TTLL9: variants seen among roughly 807,000 people sequenced by gnomAD.
The protein encoded by TTLL9 is tubulin tyrosine ligase like 9.
A neutral mutation model predicts 65.6 loss-of-function variants in TTLL9; 47 were observed. The ratio of observed to expected loss-of-function variants is 0.72; its 90% CI spans 0.57 to 0.91. The LOEUF (loss-of-function observed/expected upper bound fraction) is 0.91. TTLL9 is among the 40% of genes least tolerant of loss of function. The probability of loss-of-function intolerance (pLI) is 0.00; values close to 1 mark genes in which losing one functional copy is unlikely to be tolerated. For synonymous variants in TTLL9, 179 were observed against 204.8 expected (o/e 0.87, Z 1.07); for missense variants, 537 against 568.8 (o/e 0.94, Z 0.57).
chr20:31,942,337 T>C (rs2064224354), intron 14 of TTLL9, among the ~76,000 whole-genome samples: 1 of 152,160 alleles, frequency 6.6e-6, no homozygotes, highest in African/African-American at 2.4e-5. Flanking sequence ...TCTCAGCAGC[T>C]CACGGCAGCC....
chr20:31,922,527 T>C (rs1421984954), intron 7 of TTLL9, among the ~76,000 whole-genome samples: 1 of 152,244 alleles, frequency 6.6e-6, no homozygotes, highest in Admixed American at 6.5e-5. Context: ...CAGGGACTCA[T>C]CTAAGTGGAA....
At chr20:31,889,267 C>CT (rs1260381546) in intron 3 of TTLL9, among the ~76,000 whole-genome samples, 5 of 151,584 alleles carry the variant, frequency 3.3e-5, no homozygotes, top group South Asian at 4.2e-4. Flanking sequence ...TCATGATTGC[C>CT]TTTTTTTTCT....
intron 13 of TTLL9, chr20:31,938,087 C>CCTCCCT (rs1167484225): frequency 1.1e-4 from 18 of 166,150 alleles, no homozygotes; most frequent in African/African-American, 4.2e-4. Context: ...CCTCTCCCTC[C>CCTCCCT]CTCCCTCTCC....
At chr20:31,909,125 ATTTTTTTTTTTTT>A (rs11476481) in intron 5 of TTLL9, among the ~76,000 whole-genome samples, 2 of 79,378 alleles carry the variant, frequency 2.5e-5, no homozygotes, top group African/African-American at 1.2e-4. Flanking sequence ...TGAAAGCATG[ATTTTTTTTTTTTT>A]TTTTTTTTTT....
chr20:31,891,602 A>G (rs2063308507), intron 3 of TTLL9, among the ~76,000 whole-genome samples: 1 of 151,900 alleles, frequency 6.6e-6, no homozygotes, highest in Non-Finnish European at 1.5e-5. Flanking sequence ...GGCCTCCCAA[A>G]GTGCTGGGAT....
chr20:31,871,287 G>T, intron 2 of TTLL9, 92 bp downstream of exon 2: 2 of 1,408,720 alleles, frequency 1.4e-6, no homozygotes, highest in South Asian at 2.3e-5. Flanking sequence ...GGTCCTGGAA[G>T]GGGTCTGGAG....
At chr20:31,920,810 T>G (rs1214886229) in intron 7 of TTLL9, 6 of 152,618 alleles carry the variant, frequency 3.9e-5, no homozygotes, top group African/African-American at 1.2e-4. Context: ...CAATGGTGGG[T>G]GAAGCAGGTC....
intron 2 of TTLL9, among the ~76,000 whole-genome samples, chr20:31,878,922 A>G (rs556474628): frequency 6.6e-6 from 1 of 152,208 alleles, no homozygotes; most frequent in Non-Finnish European, 1.5e-5. Context: ...AATTTTGACA[A>G]ATGCATATAC....
chr20:31,908,730 G>C (rs2063598214), intron 5 of TTLL9, 28 bp downstream of exon 5: 1 of 1,551,544 alleles, frequency 6.4e-7, no homozygotes, highest in African/African-American at 1.4e-5. Flanking sequence ...GAGGGACTGT[G>C]CCAACCAACT....
chr20:31,884,218 A>ATTAC, intron 2 of TTLL9: 1 of 386,492 alleles, frequency 2.6e-6, no homozygotes, highest in Non-Finnish European at 4.7e-6. Flanking sequence ...CCTTATAGTT[A>ATTAC]TTATTTATTT....
At chr20:31,873,817 GAAGGAAGAAAGA>G (rs1465066464) in intron 2 of TTLL9, among the ~76,000 whole-genome samples, 4,956 of 81,032 alleles carry the variant, frequency 0.061, 92 homozygotes, top group Middle Eastern at 0.098. Flanking sequence ...AGGAAGGAAG[GAAGGAAGAAAGA>G]AAGAAAGAAA....
chr20:31,943,331 C>A lies in TTLL9; in HGVS notation c.*310C>A. ...GCAAGTTCTGCTACCCCCAGGAGATCATATCTAATAAATGAGCACAGGCCC... is the reference window on the plus strand; with the variant it reads ...GCAAGTTCTGCTACCCCCAGGAGATAATATCTAATAAATGAGCACAGGCCC... On this transcript the variant is annotated 3_prime_UTR_variant, in exon 15 of 15. Transcript: ENST00000535842. The A allele has an allele frequency of 2.3e-6, 1 of 429,732 alleles. No individual in the cohort carries two copies. Among genetic ancestry groups the A allele is most frequent in the Non-Finnish European group, 4.4e-6 (1 of 229,664 alleles). 26.6% of individuals were successfully genotyped at this position (429,732 alleles called of 1,614,324 possible). A position where few individuals can be genotyped will look rare whatever the true frequency, so the allele number is the denominator to read the frequency against.
intron 6 of TTLL9, among the ~76,000 whole-genome samples, chr20:31,913,909 C>T (rs2063693628): frequency 6.6e-6 from 1 of 152,210 alleles, no homozygotes; most frequent in Non-Finnish European, 1.5e-5. Flanking sequence ...ACTGTGGCTC[C>T]AGCCCGCCTC....
At chr20:31,881,361 T>C (rs1395371356) in intron 2 of TTLL9, among the ~76,000 whole-genome samples, 1 of 152,228 alleles carries the variant, frequency 6.6e-6, no homozygotes, top group Non-Finnish European at 1.5e-5. Flanking sequence ...CTGACTACAG[T>C]TGATACATGT....
chr20:31,910,641 G>T (rs1431577155), intron 6 of TTLL9, among the ~76,000 whole-genome samples: 1 of 152,198 alleles, frequency 6.6e-6, no homozygotes, highest in Non-Finnish European at 1.5e-5. Flanking sequence ...TGCAAAGTGG[G>T]ATTGTTATAA....
rs565359688 is a variant in TTLL9, at chr20:31,914,063, C to T, written c.504+4141C>T. On this transcript the variant is annotated intron_variant, in intron 6 of 14. Transcript: ENST00000535842. Reference sequence around the variant, plus strand: ...TGGTCTAACACTTCACACACGGCAGCGAGCGTTCTTGGCAACCAGGGGGCT... The same window carrying T: ...TGGTCTAACACTTCACACACGGCAGTGAGCGTTCTTGGCAACCAGGGGGCT... Among the ~76,000 whole-genome samples the T allele has an allele frequency of 2.4e-4, 36 of 152,352 alleles. 1 individual carries two copies. Among genetic ancestry groups the T allele is most frequent in the Non-Finnish European group, 4.9e-4 (33 of 68,032 alleles).
intron 6 of TTLL9, among the ~76,000 whole-genome samples, chr20:31,915,592 T>C (rs565553906): frequency 1.3e-5 from 2 of 152,316 alleles, no homozygotes; most frequent in South Asian, 4.1e-4. Context: ...CCGGCACTTT[T>C]CAAGAGGTAT....
chr20:31,899,641 A>C (rs2123468409), intron 4 of TTLL9, among the ~76,000 whole-genome samples: 1 of 149,716 alleles, frequency 6.7e-6, no homozygotes, highest in South Asian at 2.1e-4. Flanking sequence ...CTCAAAAAAA[A>C]AAAGAGAGAG....
chr20:31,933,418 TAA>T (rs113180138), intron 10 of TTLL9, among the ~76,000 whole-genome samples: 1 of 144,732 alleles, frequency 6.9e-6, no homozygotes, highest in Admixed American at 6.9e-5. Flanking sequence ...CCTCTTGAAT[TAA>T]AAAAAAAAAA....
Sources: gnomAD v4.1 joint callset for allele counts (sites outside exome capture counted in the v4.1 genomes callset) on GRCh38, gnomAD v4.1.1 for gene constraint, MANE v1.5 for transcripts, NCBI Gene and HGNC (gene_info 2026-07-23, HGNC 2026-07-21) for gene names.